The following KIAA2012 variants were observed in gnomAD, a reference collection of about 807,000 sequenced individuals.
KIAA2012 encodes KIAA2012, also known as uncharacterized protein KIAA2012.
KIAA2012 carries 125 observed loss-of-function variants against 150.6 expected under a neutral mutation model. The observed-to-expected ratio is 0.83, with a 90% CI of 0.72 to 0.96. The LOEUF is 0.96. KIAA2012 is among the 40% of genes least tolerant of loss of function. KIAA2012 has a pLI of 0.00. For synonymous variants in KIAA2012, 462 were observed against 504.7 expected, an observed-to-expected ratio of 0.92 and a Z score of 1.13; for missense variants, 1,219 against 1,354.9, an observed-to-expected ratio of 0.90 and a Z score of 1.57.
intron 15 of KIAA2012, among the ~76,000 whole-genome samples, chr2:202,183,258 A>G (rs1037276337): frequency 1.3e-5 from 2 of 152,002 alleles, no homozygotes; most frequent in African/African-American, 4.8e-5. Context: ...CGTCTATACG[A>G]AAAATAGAAA....
At chr2:202,153,001 A>G (rs1320057281) in intron 13 of KIAA2012, among the ~76,000 whole-genome samples, 1 of 152,202 alleles carries the variant, frequency 6.6e-6, no homozygotes, top group African/African-American at 2.4e-5. Flanking sequence ...TCCCAAAAAT[A>G]ATAAATTTTA....
At chr2:202,093,273 G>A (rs544264969) in intron 4 of KIAA2012, 88 bp downstream of exon 4, 2 of 1,374,732 alleles carry the variant, frequency 1.5e-6, no homozygotes, top group East Asian at 2.5e-5. Flanking sequence ...CCAAAACAAG[G>A]TCTTGAGATT....
At chr2:202,144,234 T>A (rs374964557) in intron 13 of KIAA2012, among the ~76,000 whole-genome samples, 27 of 152,220 alleles carry the variant, frequency 1.8e-4, no homozygotes, top group Admixed American at 3.9e-4. Context: ...ATCCTAAAAA[T>A]CCTGTTAAAT....
At chr2:202,171,556 A>G (rs945022278) in intron 15 of KIAA2012, among the ~76,000 whole-genome samples, 1 of 151,904 alleles carries the variant, frequency 6.6e-6, no homozygotes, top group Non-Finnish European at 1.5e-5. Context: ...CCGAAGGGTC[A>G]CTTCTCCGAG....
At chr2:202,124,250 T>C (rs184562954) in intron 11 of KIAA2012, among the ~76,000 whole-genome samples, 1 of 152,254 alleles carries the variant, frequency 6.6e-6, no homozygotes, top group East Asian at 1.9e-4. Flanking sequence ...TCTTTGCTAT[T>C]ACCTCTCCCT....
At chr2:202,197,253 C>A (rs1692432371) in intron 22 of KIAA2012, 5 of 627,804 alleles carry the variant, frequency 8.0e-6, no homozygotes, top group Middle Eastern at 4.5e-4. Context: ...TCTACGTCAA[C>A]CCCCTAGTTT....
intron 15 of KIAA2012, among the ~76,000 whole-genome samples, chr2:202,176,643 C>T (rs1691997060): frequency 6.6e-6 from 1 of 152,030 alleles, no homozygotes; most frequent in Admixed American, 6.6e-5. Flanking sequence ...CTTCCCTCTA[C>T]AAATAGGGAA....
intron 7 of KIAA2012, among the ~76,000 whole-genome samples, chr2:202,102,105 T>A (rs550317817): frequency 1.3e-5 from 2 of 152,254 alleles, no homozygotes; most frequent in South Asian, 2.1e-4. Flanking sequence ...GGAGAAATTT[T>A]CAGCAACCTC....
chr2:202,200,002 C>T (rs1463218722), intron 22 of KIAA2012, among the ~76,000 whole-genome samples: 1 of 127,942 alleles, frequency 7.8e-6, no homozygotes, highest in East Asian at 2.5e-4. Flanking sequence ...GCAATCTTGG[C>T]TCCCTGCAAC....
chr2:202,097,823 C>G (rs578139443), intron 5 of KIAA2012, among the ~76,000 whole-genome samples: 2 of 152,038 alleles, frequency 1.3e-5, no homozygotes, highest in African/African-American at 4.8e-5. Flanking sequence ...CCCCTGAGCT[C>G]GGGCAATCTG....
chr2:202,140,509 C>G (rs1691177083), intron 13 of KIAA2012, among the ~76,000 whole-genome samples: 1 of 152,178 alleles, frequency 6.6e-6, no homozygotes, highest in East Asian at 1.9e-4. Context: ...GAGGAGAAGT[C>G]TAGGGAGCCC....
chr2:202,090,707 C>A, intron 2 of KIAA2012, 63 bp from the exon 3 acceptor site: 2 of 1,473,234 alleles, frequency 1.4e-6, no homozygotes, highest in East Asian at 5.1e-5. Flanking sequence ...TGCTAACCAG[C>A]CTGTATCACT....
chr2:202,202,943 A>G lies in KIAA2012; in HGVS notation c.*20+356A>G, dbSNP rs188606833. 1.6e-3 allele frequency among the ~76,000 whole-genome samples: 244 copies of G among 152,034 alleles called. 1 individual carries two copies. Among genetic ancestry groups the G allele is most frequent in the African/African-American group, 5.4e-3 (222 of 41,482 alleles). On this transcript the variant is annotated intron_variant, in intron 23 of 23. Coordinates refer to ENST00000498697, the MANE Select transcript of KIAA2012 (RefSeq NM_001277372.4). ...CCCTGTCTCTTAAGAAAAAAAAAAAAAAAGTTCCATTCTGAGCCCAATTAG... is the reference window on the plus strand; with the variant it reads ...CCCTGTCTCTTAAGAAAAAAAAAAAGAAAGTTCCATTCTGAGCCCAATTAG...
At chr2:202,148,936 C>T (rs1231726763) in intron 13 of KIAA2012, among the ~76,000 whole-genome samples, 2 of 152,278 alleles carry the variant, frequency 1.3e-5, no homozygotes, top group South Asian at 2.1e-4. Flanking sequence ...GTCCCAGGTA[C>T]GCTCAGCCCC....
At chr2:202,111,508 T>TA (rs1690352734) in intron 10 of KIAA2012, among the ~76,000 whole-genome samples, 13 of 34,042 alleles carry the variant, frequency 3.8e-4, no homozygotes, top group African/African-American at 1.3e-3. Context: ...AGACTCTGTC[T>TA]CAAAAAAAAA....
chr2:202,088,123 AC>A (rs1689621059), intron 2 of KIAA2012, among the ~76,000 whole-genome samples: 1 of 152,158 alleles, frequency 6.6e-6, no homozygotes, highest in Non-Finnish European at 1.5e-5. Context: ...AAATATTACT[AC>A]CACCATTTTA....
At chr2:202,198,797 C>T (rs1692461660) in intron 22 of KIAA2012, among the ~76,000 whole-genome samples, 1 of 152,142 alleles carries the variant, frequency 6.6e-6, no homozygotes, top group African/African-American at 2.4e-5. Context: ...TTGTCCACAA[C>T]TTAAGCTGAA....
At position 202,073,730 on chromosome 2, in the gene KIAA2012, G is replaced by T; in HGVS notation, c.84+19G>T. 6.5e-7 allele frequency: 1 copy of T among 1,547,390 alleles called. No homozygotes were observed. Among genetic ancestry groups the T allele is most frequent in the Non-Finnish European group, 8.7e-7 (1 of 1,144,264 alleles). ...ACCAGAGGTGAGTCCCACAGCTGAA[G>T]AAAGGCACATTTTGGAGGTGGGAGA... On this transcript the variant is annotated intron_variant, in intron 1 of 23. Coordinates refer to ENST00000498697, the MANE Select transcript of KIAA2012 (RefSeq NM_001277372.4).
chr2:202,184,904 A>G, intron 16 of KIAA2012, 61 bp downstream of exon 16: 1 of 1,420,604 alleles, frequency 7.0e-7, no homozygotes. Flanking sequence ...TGTATTTTTA[A>G]TTGGTTTAGT....
Sources: gnomAD v4.1 joint callset for allele counts (sites outside exome capture counted in the v4.1 genomes callset) on GRCh38, gnomAD v4.1.1 for gene constraint, MANE v1.5 for transcripts, NCBI Gene and HGNC (gene_info 2026-07-23, HGNC 2026-07-21) for gene names.